Variants in ZBTB7C observed in about 807,000 individuals in gnomAD.
ZBTB7C encodes the protein zinc finger and BTB domain-containing protein 7C.
Under a neutral mutation model 25.7 loss-of-function variants are expected in ZBTB7C, and 8 were observed. The ratio of observed to expected loss-of-function variants is 0.31; its 90% confidence interval spans 0.18 to 0.56. The LOEUF is 0.56. ZBTB7C is among the 20% of genes least tolerant of loss of function. ZBTB7C has a pLI of 0.91. For missense variants in ZBTB7C, 824 were observed against 855.2 expected (o/e 0.96, Z 0.46); for synonymous variants, 394 against 369.0 (o/e 1.07, Z -0.78).
intron 4 of ZBTB7C, among the ~76,000 whole-genome samples, chr18:48,030,590 AG>A (rs2035700748): frequency 6.6e-6 from 1 of 152,240 alleles, no homozygotes; most frequent in Admixed American, 6.5e-5. Context: ...AAAACTTTGC[AG>A]GGTTTAAGTG....
chr18:48,167,708 A>G (rs2041315191), intron 3 of ZBTB7C, among the ~76,000 whole-genome samples: 1 of 152,214 alleles, frequency 6.6e-6, no homozygotes, highest in African/African-American at 2.4e-5. Flanking sequence ...GGATGAGCCC[A>G]AACAGGATTA....
intron 2 of ZBTB7C, among the ~76,000 whole-genome samples, chr18:48,316,605 TG>T (rs1373264309): frequency 6.6e-6 from 1 of 152,188 alleles, no homozygotes; most frequent in Non-Finnish European, 1.5e-5. Context: ...ACAGGAGAGC[TG>T]GTTGTTTTGA....
intron 2 of ZBTB7C, among the ~76,000 whole-genome samples, chr18:48,289,427 C>A (rs1428300083): frequency 6.6e-6 from 1 of 151,836 alleles, no homozygotes; most frequent in Non-Finnish European, 1.5e-5. Flanking sequence ...TGAGACAGAT[C>A]TATATGTACT....
intron 1 of ZBTB7C, among the ~76,000 whole-genome samples, chr18:48,343,891 C>G (rs571591327): frequency 2.1e-4 from 32 of 152,344 alleles, no homozygotes; most frequent in African/African-American, 6.0e-4. Flanking sequence ...CTCCCTCCCC[C>G]GCCTGCTTTG....
chr18:48,300,861 C>T (rs9949685), intron 2 of ZBTB7C, among the ~76,000 whole-genome samples: 26,851 of 152,250 alleles, frequency 0.18, 2,460 homozygotes, highest in African/African-American at 0.2. Context: ...GCCCATAGGA[C>T]GGCTTCGCTG....
intron 2 of ZBTB7C, among the ~76,000 whole-genome samples, chr18:48,206,764 G>A (rs994103680): frequency 2.6e-5 from 4 of 152,146 alleles, no homozygotes; most frequent in South Asian, 2.1e-4. Flanking sequence ...GCTGCTGAAC[G>A]ACACCCCTGG....
intron 2 of ZBTB7C, among the ~76,000 whole-genome samples, chr18:48,242,661 T>G (rs1485128973): frequency 2.0e-5 from 3 of 152,170 alleles, no homozygotes; most frequent in African/African-American, 7.2e-5. Flanking sequence ...CCTTTATGAC[T>G]AAAACTCTTA....
At chr18:48,128,714 T>G in intron 3 of ZBTB7C, among the ~76,000 whole-genome samples, 4 of 145,952 alleles carry the variant, frequency 2.7e-5, no homozygotes, top group African/African-American at 7.7e-5. Context: ...AGGGGGAGAG[T>G]AGAAAGGGGG....
intron 1 of ZBTB7C, among the ~76,000 whole-genome samples, chr18:48,391,378 G>C (rs1486633326): frequency 6.6e-6 from 1 of 152,206 alleles, no homozygotes; most frequent in Non-Finnish European, 1.5e-5. Flanking sequence ...GAAGTAACAT[G>C]TTCAACTTCA....
intron 3 of ZBTB7C, among the ~76,000 whole-genome samples, chr18:48,166,229 C>A (rs560626370): frequency 6.6e-6 from 1 of 152,268 alleles, no homozygotes; most frequent in African/African-American, 2.4e-5. Context: ...TAAGCAATAA[C>A]TTCCCAACGT....
chr18:48,410,358 C>T (rs369309874), upstream of ZBTB7C, among the ~76,000 whole-genome samples: 2 of 152,290 alleles, frequency 1.3e-5, no homozygotes, highest in East Asian at 1.9e-4. Flanking sequence ...GCTGGCCGCC[C>T]GTCACTCCCC....
intron 1 of ZBTB7C, among the ~76,000 whole-genome samples, chr18:48,379,763 T>C (rs535506295): frequency 9.2e-5 from 14 of 152,146 alleles, no homozygotes; most frequent in African/African-American, 3.4e-4. Context: ...TTCAAACAAC[T>C]CTTAAAACTC....
At chr18:48,030,859 G>A (rs2035715340) in intron 4 of ZBTB7C, among the ~76,000 whole-genome samples, 2 of 152,138 alleles carry the variant, frequency 1.3e-5, no homozygotes, top group African/African-American at 2.4e-5. Flanking sequence ...TGATATCAGG[G>A]GGTTGTTTTC....
intron 3 of ZBTB7C, among the ~76,000 whole-genome samples, chr18:48,174,360 T>TA (rs1214127978): frequency 1.3e-5 from 2 of 152,162 alleles, no homozygotes; most frequent in Non-Finnish European, 2.9e-5. Flanking sequence ...TCACTCATAA[T>TA]AAAAAAATGA....
At chr18:48,394,899 T>C (rs2047985032) in intron 1 of ZBTB7C, among the ~76,000 whole-genome samples, 1 of 152,210 alleles carries the variant, frequency 6.6e-6, no homozygotes, top group African/African-American at 2.4e-5. Context: ...CGGCGACGCG[T>C]ATGTGTATAA....
intron 1 of ZBTB7C, among the ~76,000 whole-genome samples, chr18:48,374,833 C>A (rs2047478890): frequency 6.6e-6 from 1 of 152,226 alleles, no homozygotes; most frequent in Admixed American, 6.5e-5. Context: ...CCACCTCTCC[C>A]ACCACCCATC....
chr18:48,252,422 C>G (rs2043889372), intron 2 of ZBTB7C: 1 of 152,258 alleles, frequency 6.6e-6, no homozygotes, highest in Non-Finnish European at 1.5e-5. Context: ...GCCACTGACT[C>G]TTTTTTTGTG....
intron 2 of ZBTB7C, among the ~76,000 whole-genome samples, chr18:48,327,009 C>CA (rs2046235243): frequency 6.6e-6 from 1 of 152,314 alleles, no homozygotes; most frequent in East Asian, 1.9e-4. Flanking sequence ...CAAATGGTGC[C>CA]ATGCCTGGGT....
intron 3 of ZBTB7C, among the ~76,000 whole-genome samples, chr18:48,139,240 C>T (rs1400073819): frequency 6.6e-6 from 1 of 152,066 alleles, no homozygotes; most frequent in South Asian, 2.1e-4. Flanking sequence ...AGAGGGTTCA[C>T]TCAGTAGTTA....
Sources: allele counts gnomAD v4.1 joint callset (sites outside exome capture counted in the v4.1 genomes callset), GRCh38; gene constraint gnomAD v4.1.1; transcripts MANE v1.5; gene names NCBI Gene and HGNC (gene_info 2026-07-23, HGNC 2026-07-21).